LRRC4C: variants seen among roughly 807,000 people sequenced by gnomAD.
The protein encoded by LRRC4C is leucine rich repeat containing 4C.
In LRRC4C, 5 loss-of-function variants were observed where a neutral mutation model predicts 33.6. The ratio of observed to expected loss-of-function variants is 0.15; its 90% CI spans 0.08 to 0.31. The LOEUF is 0.31. Among genes scored for constraint, LRRC4C ranks in the 10% least tolerant of loss-of-function variants. LRRC4C has a pLI of 1.00. For missense variants in LRRC4C, 560 were observed against 796.7 expected (o/e 0.70, Z 3.58); for synonymous variants, 329 against 302.0 (o/e 1.09, Z -0.93).
At chr11:40,578,357 A>C (rs1028647818) in intron 3 of LRRC4C, among the ~76,000 whole-genome samples, 2 of 151,240 alleles carry the variant, frequency 1.3e-5, no homozygotes, top group Non-Finnish European at 2.9e-5. Context: ...TGGTCTTTTA[A>C]ATTTTCAGTA....
chr11:40,517,574 C>T (rs547037389), intron 3 of LRRC4C, among the ~76,000 whole-genome samples: 40 of 152,240 alleles, frequency 2.6e-4, no homozygotes, highest in Admixed American at 2.0e-3. Flanking sequence ...ACTGACAGGA[C>T]TGTGAGAACC....
chr11:40,802,848 T>C (rs1951095234), intron 2 of LRRC4C, among the ~76,000 whole-genome samples: 1 of 152,198 alleles, frequency 6.6e-6, no homozygotes, highest in African/African-American at 2.4e-5. Context: ...AGTTTCCAAA[T>C]TTAGAGGACA....
intron 4 of LRRC4C, chr11:40,293,636 A>C (rs1426242808): frequency 1.3e-5 from 2 of 152,358 alleles, no homozygotes; most frequent in Non-Finnish European, 2.9e-5. Context: ...AGAAGAAAAA[A>C]AGAAAAAGGA....
chr11:41,094,741 A>C (rs1195354155), intron 1 of LRRC4C, among the ~76,000 whole-genome samples: 3 of 152,138 alleles, frequency 2.0e-5, no homozygotes, highest in Non-Finnish European at 4.4e-5. Flanking sequence ...CAAAGCATTT[A>C]TCTTTCTTGT....
chr11:40,929,761 T>C (rs1199186109), intron 2 of LRRC4C, among the ~76,000 whole-genome samples: 1 of 152,162 alleles, frequency 6.6e-6, no homozygotes, highest in Non-Finnish European at 1.5e-5. Flanking sequence ...TATTCAATTC[T>C]TAAATGTAAT....
chr11:40,370,799 A>C (rs1948416699), intron 3 of LRRC4C, among the ~76,000 whole-genome samples: 1 of 152,252 alleles, frequency 6.6e-6, no homozygotes, highest in Non-Finnish European at 1.5e-5. Context: ...TGAGATGAAA[A>C]ATTGTTTCCA....
At chr11:41,004,432 A>C (rs953229317) in intron 1 of LRRC4C, among the ~76,000 whole-genome samples, 3 of 152,174 alleles carry the variant, frequency 2.0e-5, no homozygotes, top group Non-Finnish European at 2.9e-5. Context: ...ACCATGCCAG[A>C]GATACATGAG....
At chr11:40,869,448 G>A (rs998468034) in intron 2 of LRRC4C, among the ~76,000 whole-genome samples, 1 of 152,076 alleles carries the variant, frequency 6.6e-6, no homozygotes, top group Non-Finnish European at 1.5e-5. Context: ...CACAGCCAGC[G>A]CCAGGAAAAG....
chr11:40,925,504 C>A (rs906267748), intron 2 of LRRC4C, among the ~76,000 whole-genome samples: 1 of 152,136 alleles, frequency 6.6e-6, no homozygotes, highest in South Asian at 2.1e-4. Context: ...GCAACTGTCA[C>A]GCAGCACATA....
At chr11:41,126,359 T>G (rs1033436311) in intron 1 of LRRC4C, among the ~76,000 whole-genome samples, 1 of 151,946 alleles carries the variant, frequency 6.6e-6, no homozygotes, top group African/African-American at 2.4e-5. Flanking sequence ...AAAACCTTTT[T>G]GTAGTTCACT....
At chr11:40,175,317 G>A (rs988840153) in intron 5 of LRRC4C, among the ~76,000 whole-genome samples, 8 of 152,196 alleles carry the variant, frequency 5.3e-5, no homozygotes, top group South Asian at 4.1e-4. Flanking sequence ...GTAAAAATGC[G>A]TGAGCATTTG....
intron 1 of LRRC4C, among the ~76,000 whole-genome samples, chr11:41,231,316 C>T (rs189102392): frequency 2.6e-5 from 4 of 152,068 alleles, no homozygotes; most frequent in South Asian, 4.2e-4. Flanking sequence ...CATACACACA[C>T]GTATGTTTAT....
chr11:40,420,141 AG>A (rs1355033756), intron 3 of LRRC4C, among the ~76,000 whole-genome samples: 3 of 152,238 alleles, frequency 2.0e-5, no homozygotes, highest in African/African-American at 7.2e-5. Flanking sequence ...CAGTATGCAA[AG>A]GCAAATAGTT....
chr11:40,925,800 TCTA>T (rs966304961), intron 2 of LRRC4C, among the ~76,000 whole-genome samples: 9 of 152,182 alleles, frequency 5.9e-5, no homozygotes, highest in African/African-American at 1.9e-4. Flanking sequence ...TTACTGGAAT[TCTA>T]CTATGTGCCA....
intron 1 of LRRC4C, among the ~76,000 whole-genome samples, chr11:41,223,493 C>T (rs991605686): frequency 6.6e-6 from 1 of 152,104 alleles, no homozygotes; most frequent in African/African-American, 2.4e-5. Context: ...CTTTATTCAA[C>T]AGTTACATAT....
intron 3 of LRRC4C, among the ~76,000 whole-genome samples, chr11:40,558,064 A>G (rs182926941): frequency 2.0e-3 from 309 of 152,334 alleles, no homozygotes; most frequent in Non-Finnish European, 3.0e-3. Context: ...TGAATTACTC[A>G]TGAGAAGATC....
At chr11:41,354,549 G>GA (rs761252684) in intron 1 of LRRC4C, among the ~76,000 whole-genome samples, 37 of 151,584 alleles carry the variant, frequency 2.4e-4, no homozygotes, top group Non-Finnish European at 4.7e-4. Context: ...TAAATCAGGG[G>GA]AAAAAAAGAC....
At chr11:40,133,776 A>T (rs1422283245) in intron 6 of LRRC4C, among the ~76,000 whole-genome samples, 1 of 152,158 alleles carries the variant, frequency 6.6e-6, no homozygotes, top group Non-Finnish European at 1.5e-5. Context: ...AGTGAAAGGT[A>T]TGTGGACAGT....
intron 1 of LRRC4C, among the ~76,000 whole-genome samples, chr11:41,403,515 T>C (rs1255511194): frequency 2.6e-5 from 4 of 152,082 alleles, no homozygotes; most frequent in African/African-American, 7.2e-5. Flanking sequence ...GTGTCCTTTA[T>C]GGCAGCAAGA....
Sources: gnomAD v4.1 joint callset for allele counts (sites outside exome capture counted in the v4.1 genomes callset) on GRCh38, gnomAD v4.1.1 for gene constraint, MANE v1.5 for transcripts, NCBI Gene and HGNC (gene_info 2026-07-23, HGNC 2026-07-21) for gene names.